The following MEF2A variants were observed in gnomAD, a reference collection of about 807,000 sequenced individuals.
The protein encoded by MEF2A is myocyte enhancer factor 2A.
MEF2A carries 28 observed loss-of-function variants against 55.8 expected under a neutral mutation model. The ratio of observed to expected loss-of-function variants is 0.50; its 90% confidence interval spans 0.37 to 0.69. The LOEUF (loss-of-function observed/expected upper bound fraction) is 0.69, where lower values mean the gene tolerates loss of function less well. MEF2A is among the 30% of genes least tolerant of loss of function. The pLI, the probability that MEF2A is intolerant of heterozygous loss-of-function variation, is 0.00. For missense variants in MEF2A, 528 were observed against 626.2 expected, an observed-to-expected ratio of 0.84 and a Z score of 1.67; for synonymous variants, 239 against 227.1, an observed-to-expected ratio of 1.05 and a Z score of -0.47.
chr15:99,619,441 G>C (rs1190349356), intron 2 of MEF2A, among the ~76,000 whole-genome samples: 4 of 152,102 alleles, frequency 2.6e-5, no homozygotes, highest in African/African-American at 7.2e-5. Flanking sequence ...CTAGTCTTCA[G>C]TTATTTTTCA....
intron 8 of MEF2A, among the ~76,000 whole-genome samples, chr15:99,693,462 C>T (rs948746508): frequency 3.9e-5 from 6 of 152,074 alleles, no homozygotes; most frequent in African/African-American, 1.4e-4. Flanking sequence ...CACACACTCT[C>T]ACTCCTAGAC....
intron 1 of MEF2A, among the ~76,000 whole-genome samples, chr15:99,575,451 A>G (rs1038387707): frequency 1.1e-4 from 16 of 152,114 alleles, no homozygotes; most frequent in Non-Finnish European, 2.1e-4. Flanking sequence ...CAGGTTTTGC[A>G]TTTTTGGCAA....
At chr15:99,706,966 T>G in intron 10 of MEF2A, 111 bp downstream of exon 10, 1 of 1,292,676 alleles carries the variant, frequency 7.7e-7, no homozygotes, top group South Asian at 1.6e-5. Flanking sequence ...TATTTCCAGT[T>G]TTTTAGATTT....
chr15:99,693,377 G>A (rs1368940356), intron 8 of MEF2A, among the ~76,000 whole-genome samples: 1 of 151,992 alleles, frequency 6.6e-6, no homozygotes, highest in East Asian at 1.9e-4. Flanking sequence ...ATAATAACCA[G>A]TACCAAGTAG....
intron 3 of MEF2A, among the ~76,000 whole-genome samples, chr15:99,641,805 T>C (rs2045026866): frequency 6.6e-6 from 1 of 152,208 alleles, no homozygotes; most frequent in African/African-American, 2.4e-5. Flanking sequence ...CCGTACATTT[T>C]CCAGCATACC....
chr15:99,580,904 C>G (rs1162526067), intron 1 of MEF2A, among the ~76,000 whole-genome samples: 1 of 151,974 alleles, frequency 6.6e-6, no homozygotes, highest in Non-Finnish European at 1.5e-5. Context: ...ACAGTTGTTC[C>G]TTTCTTCCAA....
chr15:99,671,639 G>A (rs1346327714), intron 5 of MEF2A, 185 bp downstream of exon 5: 1 of 1,584,452 alleles, frequency 6.3e-7, no homozygotes, highest in Non-Finnish European at 8.6e-7. Context: ...ATAATATGAT[G>A]CGGAATCATA....
chr15:99,615,925 G>A (rs1264902638), intron 2 of MEF2A, among the ~76,000 whole-genome samples: 1 of 152,082 alleles, frequency 6.6e-6, no homozygotes, highest in Non-Finnish European at 1.5e-5. Flanking sequence ...TAAGTGACTT[G>A]GTCAAGATCA....
chr15:99,640,285 G>T (rs971389117), intron 3 of MEF2A, among the ~76,000 whole-genome samples: 2 of 152,002 alleles, frequency 1.3e-5, no homozygotes, highest in African/African-American at 2.4e-5. Context: ...CAATTTCTCT[G>T]TATATTTTAT....
At chr15:99,710,963 T>C (rs1243380246) in intron 11 of MEF2A, among the ~76,000 whole-genome samples, 2 of 152,194 alleles carry the variant, frequency 1.3e-5, no homozygotes, top group Admixed American at 1.3e-4. Flanking sequence ...TAGGCATTCC[T>C]TGAAGGGATT....
intron 1 of MEF2A, among the ~76,000 whole-genome samples, chr15:99,579,269 T>G (rs1455190680): frequency 6.6e-6 from 1 of 151,952 alleles, no homozygotes; most frequent in Non-Finnish European, 1.5e-5. Flanking sequence ...TAATTCTGTT[T>G]AGAGTATTGG....
intron 4 of MEF2A, among the ~76,000 whole-genome samples, chr15:99,662,061 G>A (rs537679536): frequency 1.3e-5 from 2 of 152,202 alleles, no homozygotes; most frequent in Admixed American, 6.5e-5. Context: ...AATAGGCATA[G>A]CTAAATTATA....
Position 99,565,989 on chromosome 15 carries a change from T to G in MEF2A, c.-340T>G, listed in dbSNP as rs938722971. 2 of 152,182 alleles carry G rather than the reference T, an allele frequency of 1.3e-5. No homozygotes were observed. The highest frequency in any genetic ancestry group is 2.9e-5 in the Non-Finnish European group (2 of 68,128). 9.4% of individuals were successfully genotyped at this position (152,182 alleles called of 1,614,324 possible). On this transcript the variant is annotated 5_prime_UTR_variant, in exon 1 of 12. Coordinates refer to ENST00000557942, the MANE Select transcript of MEF2A (RefSeq NM_001319206.4). The stretch of plus-strand genomic sequence containing the variant: ...AAAATAGCCCCGGTGTGGGGATCCG[T>G]GCGCGGATGTCCCGGCGAGTCCCGG...
chr15:99,617,994 A>C (rs923725146), intron 2 of MEF2A, among the ~76,000 whole-genome samples: 1 of 152,250 alleles, frequency 6.6e-6, no homozygotes, highest in Admixed American at 6.5e-5. Context: ...CAAACTTTAA[A>C]AAAGCACAGA....
At chr15:99,658,077 G>A (rs2048039509) in intron 4 of MEF2A, among the ~76,000 whole-genome samples, 1 of 152,036 alleles carries the variant, frequency 6.6e-6, no homozygotes, top group South Asian at 2.1e-4. Flanking sequence ...AGAAAACAAG[G>A]CACAGTGAGG....
chr15:99,617,855 G>A (rs2153230340), intron 2 of MEF2A, among the ~76,000 whole-genome samples: 1 of 152,206 alleles, frequency 6.6e-6, no homozygotes, highest in East Asian at 1.9e-4. Flanking sequence ...GCTCTGAATT[G>A]TTTCTAATGA....
At chr15:99,663,911 C>T (rs915063519) in intron 4 of MEF2A, among the ~76,000 whole-genome samples, 1 of 152,072 alleles carries the variant, frequency 6.6e-6, no homozygotes, top group African/African-American at 2.4e-5. Context: ...GGCAGATGTA[C>T]AGGGTCAGCC....
At position 99,669,317 on chromosome 15, in the gene MEF2A, G is replaced by T. The variant is rs182065537; in HGVS notation, c.259-2006G>T. On this transcript the variant is annotated intron_variant, in intron 4 of 11. Transcript: ENST00000557942. ...AGTCAACAACTTTATGATAAGATCTGTGTGTAGGCACCTACTATATTTGTT... is the reference window on the plus strand; with the variant it reads ...AGTCAACAACTTTATGATAAGATCTTTGTGTAGGCACCTACTATATTTGTT... 2.7e-3 allele frequency among the ~76,000 whole-genome samples: 418 copies of T among 152,340 alleles called. 2 individuals are homozygous for T. Among genetic ancestry groups the T allele is most frequent in the African/African-American group, 9.0e-3 (376 of 41,582 alleles).
At chr15:99,620,868 T>C (rs2041041468) in intron 2 of MEF2A, 1 of 148,808 alleles carries the variant, frequency 6.7e-6, no homozygotes, top group African/African-American at 2.5e-5. Context: ...TTTTGGGACA[T>C]TGAGTCTCAC....
Sources: allele counts gnomAD v4.1 joint callset (sites outside exome capture counted in the v4.1 genomes callset), GRCh38; gene constraint gnomAD v4.1.1; transcripts MANE v1.5; gene names NCBI Gene and HGNC (gene_info 2026-07-23, HGNC 2026-07-21).